Variants in ZC3H7B observed in about 807,000 individuals in gnomAD.
The protein encoded by ZC3H7B is zinc finger CCCH-type containing 7B.
Under a neutral mutation model 116.0 loss-of-function variants are expected in ZC3H7B, and 35 were observed. The observed-to-expected ratio is 0.30, with a 90% CI of 0.23 to 0.40. The LOEUF is 0.40. Ranked by LOEUF, ZC3H7B falls within the 10% of genes least tolerant of loss-of-function variation. The pLI is 1.00. For missense variants in ZC3H7B, 1,011 were observed against 1,321.5 expected (o/e 0.77, Z 3.64); for synonymous variants, 502 against 545.6 (o/e 0.92, Z 1.11).
chr22:41,315,190 G>A (rs978149270), intron 1 of ZC3H7B, among the ~76,000 whole-genome samples: 2 of 151,630 alleles, frequency 1.3e-5, no homozygotes, highest in South Asian at 4.2e-4. Flanking sequence ...TGTCACAACT[G>A]GGGACACCTT....
Position 41,320,719 on chromosome 22 carries a change from C to A in ZC3H7B, c.53+6C>A. The A allele has an allele frequency of 6.8e-6, 11 of 1,613,854 alleles. No homozygotes were observed. The highest frequency in any genetic ancestry group is 9.3e-6 in the Non-Finnish European group (11 of 1,179,846). On this transcript the variant is annotated splice_donor_region_variant and intron_variant, in intron 2 of 22. Transcript: ENST00000352645. Reference sequence around the variant, plus strand: ...AAAGGGCTGCAGTTCATTCAGTAAGCCTGCATGCGGCAGGGGCTGGACGGC... The same window carrying A: ...AAAGGGCTGCAGTTCATTCAGTAAGACTGCATGCGGCAGGGGCTGGACGGC...
intron 1 of ZC3H7B, among the ~76,000 whole-genome samples, chr22:41,304,849 G>A (rs909916387): frequency 6.6e-6 from 1 of 152,162 alleles, no homozygotes; most frequent in Admixed American, 6.5e-5. Context: ...CCAGCCCAAG[G>A]TCAATCTGCA....
rs1260690976 is a variant in ZC3H7B, at chr22:41,325,613, C to T, written c.87+16C>T. On this transcript the variant is annotated intron_variant, in intron 3 of 22. Coordinates refer to ENST00000352645, the MANE Select transcript of ZC3H7B (RefSeq NM_017590.6). Reference sequence around the variant, plus strand: ...AGAATATGAGGTGAGTGTCAGCTGCCAGGCTGAGCAAAGGTGAAGGGCGGA... The same window carrying T: ...AGAATATGAGGTGAGTGTCAGCTGCTAGGCTGAGCAAAGGTGAAGGGCGGA... 6.2e-7 allele frequency: 1 copy of T among 1,611,508 alleles called. No individual in the cohort carries two copies.
At chr22:41,309,075 G>A (rs1478454667) in intron 1 of ZC3H7B, among the ~76,000 whole-genome samples, 5 of 144,168 alleles carry the variant, frequency 3.5e-5, no homozygotes, top group Non-Finnish European at 4.5e-5. Flanking sequence ...GCAGTGGCGC[G>A]ATCTCGACTC....
chr22:41,306,560 G>A (rs1206593626), intron 1 of ZC3H7B, among the ~76,000 whole-genome samples: 1 of 151,968 alleles, frequency 6.6e-6, no homozygotes, highest in Non-Finnish European at 1.5e-5. Flanking sequence ...AGTAGAGACG[G>A]GGTTTTGCCA....
intron 7 of ZC3H7B, chr22:41,333,681 A>T (rs79519906): frequency 6.6e-6 from 1 of 152,204 alleles, no homozygotes; most frequent in Non-Finnish European, 1.5e-5. Context: ...ACGAGAAAAC[A>T]TTAAATGAAT....
rs1303399870 is a variant in ZC3H7B at position 41,327,538 on chromosome 22, G to C, written c.444+174G>C. Among the ~76,000 whole-genome samples, 1 of 152,218 alleles carries C rather than the reference G, an allele frequency of 6.6e-6. No individual in the cohort carries two copies. The highest frequency in any genetic ancestry group is 1.5e-5 in the Non-Finnish European group (1 of 68,042). ...CTCCCATTCTCTGAGCGCTGACTGG[G>C]TGCCAGGCACTGCTAGGATGCATTG... On this transcript the variant is annotated intron_variant, in intron 5 of 22. Coordinates refer to ENST00000352645, the MANE Select transcript of ZC3H7B (RefSeq NM_017590.6). This position sits in a 1 kb window ranked among gnomAD's most constrained non-coding sequence, Gnocchi z 4.5.
chr22:41,341,635 C>T (rs970445701), intron 11 of ZC3H7B, among the ~76,000 whole-genome samples: 7 of 151,962 alleles, frequency 4.6e-5, no homozygotes, highest in South Asian at 2.1e-4. Context: ...CCCAGCTACT[C>T]GCGAGGCTGA....
intron 13 of ZC3H7B, among the ~76,000 whole-genome samples, chr22:41,344,953 A>G (rs984341910): frequency 2.0e-4 from 30 of 152,136 alleles, no homozygotes; most frequent in African/African-American, 7.0e-4. Context: ...CTACAGGCAC[A>G]TGCCACCACA....
intron 14 of ZC3H7B, among the ~76,000 whole-genome samples, chr22:41,347,182 A>C (rs973390340): frequency 5.9e-5 from 9 of 152,284 alleles, no homozygotes; most frequent in South Asian, 2.1e-4. Flanking sequence ...TGGTCCCCAC[A>C]GCCAAACCCC....
At chr22:41,354,561 G>A (rs1436184882) in intron 17 of ZC3H7B, among the ~76,000 whole-genome samples, 2 of 152,168 alleles carry the variant, frequency 1.3e-5, no homozygotes, top group Non-Finnish European at 2.9e-5. Context: ...CAGCCTGGAA[G>A]AGCAAGGGGT....
chr22:41,319,410 C>A (rs2036226557), intron 1 of ZC3H7B, among the ~76,000 whole-genome samples: 1 of 148,336 alleles, frequency 6.7e-6, no homozygotes, highest in South Asian at 2.1e-4. Flanking sequence ...CAAAAAAAAA[C>A]AAAGCAAAAA....
intron 1 of ZC3H7B, among the ~76,000 whole-genome samples, chr22:41,316,129 G>T (rs1237278421): frequency 6.6e-6 from 1 of 151,804 alleles, no homozygotes; most frequent in Non-Finnish European, 1.5e-5. Context: ...GAGTAACTGG[G>T]ATTATAGGAA....
chr22:41,344,300 C>T (rs977084258), intron 13 of ZC3H7B, among the ~76,000 whole-genome samples: 12 of 152,186 alleles, frequency 7.9e-5, no homozygotes, highest in Admixed American at 7.2e-4. Context: ...TGAACTTGCT[C>T]CTTGTCCTCC....
At position 41,327,119 on chromosome 22, in the gene ZC3H7B, T is replaced by C. The variant is rs2036328939; in HGVS notation, c.286-87T>C. The C allele has an allele frequency of 6.5e-7, 1 of 1,542,928 alleles. No homozygotes were observed. The highest frequency in any genetic ancestry group is 1.4e-5 in the African/African-American group (1 of 73,628). ...CTCTGTCTCTGCCAGGAAGGGAAGC[T>C]GGTGTTCCTTCCTAGGCAGGGGCAG... On this transcript the variant is annotated intron_variant, in intron 4 of 22. Transcript: ENST00000352645. This position sits in a 1 kb window ranked among gnomAD's most constrained non-coding sequence, Gnocchi z 4.5.
At position 41,357,325 on chromosome 22, in the gene ZC3H7B, G is replaced by A. The variant is rs766963599; in HGVS notation, c.2830G>A (p.Asp944Asn). 5.0e-6 allele frequency: 8 copies of A among 1,613,742 alleles called. 1 individual carries two copies. The highest frequency in any genetic ancestry group is 1.1e-5 in the South Asian group (1 of 91,090). Residue 944 changes from aspartate to asparagine, a missense_variant, in exon 23 of 23, where the codon GAC becomes AAC. This residue lies in a region of ZC3H7B where 406 missense variants were observed against 590.2 expected (regional missense o/e 0.69). Coordinates refer to ENST00000352645, the MANE Select transcript of ZC3H7B (RefSeq NM_017590.6). This position sits in a 1 kb window ranked among gnomAD's most constrained non-coding sequence, Gnocchi z 5.4. ...RKDMLLCPRDDDFGKYNFLLQ... is the reference protein window; with the variant it reads ...RKDMLLCPRDNDFGKYNFLLQ... ...GGACATGCTGCTGTGCCCACGGGAC[G>A]ACGACTTTGGCAAATACAACTTCCT...
At chr22:41,352,904 C>T (rs1460742764) in intron 17 of ZC3H7B, among the ~76,000 whole-genome samples, 1 of 151,580 alleles carries the variant, frequency 6.6e-6, no homozygotes, top group East Asian at 1.9e-4. Flanking sequence ...ATGACGAAAC[C>T]CCGTCTCTAC....
intron 12 of ZC3H7B, 22 bp downstream of exon 12, chr22:41,342,650 C>T (rs2036536685): frequency 6.3e-7 from 1 of 1,592,350 alleles, no homozygotes; most frequent in African/African-American, 1.3e-5. Context: ...CCTGTAGACT[C>T]CACCCCTCTG....
chr22:41,349,113 CCGCCAGG>C lies in ZC3H7B; in HGVS notation c.1767-6_1767del, dbSNP rs768153764. 6.2e-7 allele frequency: 1 copy of C among 1,612,744 alleles called. No homozygotes were observed. Among genetic ancestry groups the C allele is most frequent in the Non-Finnish European group, 8.5e-7 (1 of 1,179,798 alleles). On this transcript the variant is annotated splice_acceptor_variant and splice_polypyrimidine_tract_variant and coding_sequence_variant and intron_variant, in exon 16 of 23. Coordinates refer to ENST00000352645, the MANE Select transcript of ZC3H7B (RefSeq NM_017590.6). LOFTEE classifies it high-confidence loss of function. The surrounding 1 kb of genome is among the most constrained non-coding windows in gnomAD (Gnocchi z 4.9). ...CATCGTGCCCCTCCTGCCTGCCCGC[CCGCCAGG>C]TGCCTGGTGCACATCGTCCGCTCCA... is the stretch of plus-strand genomic sequence containing the variant.
Sources: gnomAD v4.1 joint callset for allele counts (sites outside exome capture counted in the v4.1 genomes callset) on GRCh38, gnomAD v4.1.1 for gene constraint, gnomAD v4.1.1 regional missense constraint, Gnocchi (gnomAD v3.1) non-coding constraint, MANE v1.5 for transcripts, NCBI Gene and HGNC (gene_info 2026-07-23, HGNC 2026-07-21) for gene names.